The following C8orf34 variants were observed in gnomAD, a reference collection of about 807,000 sequenced individuals.
The protein encoded by C8orf34 is chromosome 8 open reading frame 34, also known as uncharacterized protein C8orf34.
C8orf34 carries 65 observed loss-of-function variants against 68.3 expected under a neutral mutation model. The ratio of observed to expected loss-of-function variants is 0.95; its 90% CI spans 0.78 to 1.17. The LOEUF is 1.17. C8orf34 is among the 50% of genes most tolerant of loss of function. The probability of loss-of-function intolerance (pLI) is 0.00; values close to 1 mark genes in which losing one functional copy is unlikely to be tolerated. For synonymous variants in C8orf34, 244 were observed against 241.2 expected (o/e 1.01, Z -0.11); for missense variants, 664 against 655.4 (o/e 1.01, Z -0.14).
At chr8:68,763,059 C>T (rs1341737587) in intron 10 of C8orf34, among the ~76,000 whole-genome samples, 1 of 152,158 alleles carries the variant, frequency 6.6e-6, no homozygotes, top group Non-Finnish European at 1.5e-5. Context: ...CTGTCCTAGG[C>T]ATCAGTGAAA....
chr8:68,427,161 T>A (rs1810263018), intron 1 of C8orf34, among the ~76,000 whole-genome samples: 1 of 152,146 alleles, frequency 6.6e-6, no homozygotes, highest in South Asian at 2.1e-4. Flanking sequence ...GGCCCTAACA[T>A]GTAATGCAGT....
At chr8:68,351,632 A>G (rs1208518245) in intron 1 of C8orf34, among the ~76,000 whole-genome samples, 2 of 151,964 alleles carry the variant, frequency 1.3e-5, no homozygotes, top group Non-Finnish European at 2.9e-5. Context: ...ATAATCCCAT[A>G]CTTCTCAAAG....
intron 10 of C8orf34, among the ~76,000 whole-genome samples, chr8:68,770,327 G>T (rs141160014): frequency 6.6e-6 from 1 of 152,258 alleles, no homozygotes; most frequent in Non-Finnish European, 1.5e-5. Context: ...AAGCATTTTA[G>T]AAAGAATGAA....
At chr8:68,790,446 A>G (rs906205759) in intron 12 of C8orf34, among the ~76,000 whole-genome samples, 1 of 152,226 alleles carries the variant, frequency 6.6e-6, no homozygotes, top group Non-Finnish European at 1.5e-5. Flanking sequence ...AGACAAGATC[A>G]TCTTGGCAGA....
intron 4 of C8orf34, among the ~76,000 whole-genome samples, chr8:68,473,095 C>T (rs976995334): frequency 6.6e-6 from 1 of 152,088 alleles, no homozygotes; most frequent in Non-Finnish European, 1.5e-5. Context: ...GGGGTAAATA[C>T]CCGAGGTTCA....
At chr8:68,648,470 A>AT (rs1195839513) in intron 8 of C8orf34, among the ~76,000 whole-genome samples, 2 of 152,164 alleles carry the variant, frequency 1.3e-5, no homozygotes, top group Non-Finnish European at 2.9e-5. Flanking sequence ...TTTATAAGCC[A>AT]TTTTTCTGGA....
At chr8:68,617,766 G>A (rs1356485913) in intron 7 of C8orf34, among the ~76,000 whole-genome samples, 1 of 152,068 alleles carries the variant, frequency 6.6e-6, no homozygotes, top group Non-Finnish European at 1.5e-5. Flanking sequence ...ATGTGTCTTG[G>A]AGTTGTTCTT....
chr8:68,575,710 A>C (rs1305752297), intron 7 of C8orf34, among the ~76,000 whole-genome samples: 1 of 152,040 alleles, frequency 6.6e-6, no homozygotes, highest in Admixed American at 6.6e-5. Context: ...TCCTGTGTTG[A>C]GAGTGAACAG....
At chr8:68,814,162 C>T (rs749761688) in intron 12 of C8orf34, among the ~76,000 whole-genome samples, 3 of 152,138 alleles carry the variant, frequency 2.0e-5, no homozygotes, top group Non-Finnish European at 4.4e-5. Context: ...AACAGTGATG[C>T]TCAAAGTGAA....
chr8:68,638,605 AC>A (rs1294915667), intron 7 of C8orf34, among the ~76,000 whole-genome samples: 3 of 151,540 alleles, frequency 2.0e-5, no homozygotes, highest in Non-Finnish European at 2.9e-5. Context: ...GAGTTAGGAA[AC>A]CCTTTGTTTT....
intron 7 of C8orf34, among the ~76,000 whole-genome samples, chr8:68,567,473 C>T (rs1816625166): frequency 6.6e-6 from 1 of 151,232 alleles, no homozygotes; most frequent in Admixed American, 6.6e-5. Context: ...TAATATCTCC[C>T]ATTTTGTTTC....
chr8:68,655,663 C>G (rs757138559), intron 8 of C8orf34, among the ~76,000 whole-genome samples: 1 of 152,102 alleles, frequency 6.6e-6, no homozygotes. Flanking sequence ...TAAGCTTGTT[C>G]GAGCAGTTAG....
chr8:68,791,097 G>A (rs1244435491), intron 12 of C8orf34: 2 of 530,712 alleles, frequency 3.8e-6, no homozygotes, highest in Non-Finnish European at 6.6e-6. Flanking sequence ...GCAAGACAGT[G>A]TATTAGTCGG....
intron 12 of C8orf34, among the ~76,000 whole-genome samples, chr8:68,804,003 G>A (rs1824409854): frequency 6.6e-6 from 1 of 152,032 alleles, no homozygotes; most frequent in African/African-American, 2.4e-5. Context: ...TTCGTGAAAG[G>A]TTCACTGTCA....
At chr8:68,668,117 A>G (rs977249338) in intron 8 of C8orf34, among the ~76,000 whole-genome samples, 23 of 152,276 alleles carry the variant, frequency 1.5e-4, no homozygotes, top group African/African-American at 4.8e-4. Flanking sequence ...GTATAAATTT[A>G]TATAAAAATC....
chr8:68,770,787 G>T (rs1057153083), intron 10 of C8orf34, among the ~76,000 whole-genome samples: 2 of 152,004 alleles, frequency 1.3e-5, no homozygotes, highest in African/African-American at 4.8e-5. Flanking sequence ...TTAAATTTTA[G>T]TCATTAGTCA....
intron 5 of C8orf34, among the ~76,000 whole-genome samples, chr8:68,519,838 A>T (rs1814675395): frequency 1.3e-5 from 2 of 152,334 alleles, no homozygotes; most frequent in South Asian, 4.1e-4. Context: ...AGAAAATGAA[A>T]TTCAAGGAAT....
At chr8:68,596,963 TG>T (rs1817563043) in intron 7 of C8orf34, among the ~76,000 whole-genome samples, 1 of 152,210 alleles carries the variant, frequency 6.6e-6, no homozygotes, top group South Asian at 2.1e-4. Context: ...ATATATAGTA[TG>T]GATCTTCCAT....
At chr8:68,752,974 C>G (rs1822751275) in intron 10 of C8orf34, among the ~76,000 whole-genome samples, 1 of 152,054 alleles carries the variant, frequency 6.6e-6, no homozygotes. Flanking sequence ...GTAGGTAGGT[C>G]TTTTTGAGAA....
Sources: gnomAD v4.1 joint callset for allele counts (sites outside exome capture counted in the v4.1 genomes callset) on GRCh38, gnomAD v4.1.1 for gene constraint, MANE v1.5 for transcripts, NCBI Gene and HGNC (gene_info 2026-07-23, HGNC 2026-07-21) for gene names.